The following EPB41L4B variants were observed in gnomAD, a reference collection of about 807,000 sequenced individuals.
EPB41L4B encodes band 4.1-like protein 4B.
EPB41L4B carries 30 observed loss-of-function variants against 112.5 expected under a neutral mutation model. That is an observed-to-expected ratio of 0.27 (90% CI 0.20 to 0.36). EPB41L4B has a LOEUF of 0.36. Among genes scored for constraint, EPB41L4B ranks in the 10% least tolerant of loss-of-function variants. The pLI is 1.00. For missense variants in EPB41L4B, 1,024 were observed against 1,133.3 expected (o/e 0.90, Z 1.38); for synonymous variants, 408 against 439.7 (o/e 0.93, Z 0.90).
intron 1 of EPB41L4B, among the ~76,000 whole-genome samples, chr9:109,297,342 G>C (rs1432913567): frequency 6.6e-6 from 1 of 152,188 alleles, no homozygotes; most frequent in Admixed American, 6.5e-5. Context: ...GGGGTACTTT[G>C]TTACAGCAGT....
chr9:109,175,486 C>CACACACAT (rs1831789414), intron 25 of EPB41L4B, among the ~76,000 whole-genome samples: 1 of 150,486 alleles, frequency 6.6e-6, no homozygotes, highest in Non-Finnish European at 1.5e-5. Flanking sequence ...CACACACACA[C>CACACACAT]ACACACACAC....
At chr9:109,273,669 C>T (rs1377746424) in intron 2 of EPB41L4B, among the ~76,000 whole-genome samples, 1 of 152,158 alleles carries the variant, frequency 6.6e-6, no homozygotes, top group Non-Finnish European at 1.5e-5. Flanking sequence ...AGCCCCCCCA[C>T]ACCCCCAGCC....
chr9:109,226,609 T>A (rs1171581650), intron 15 of EPB41L4B, among the ~76,000 whole-genome samples: 2 of 65,508 alleles, frequency 3.1e-5, no homozygotes, highest in Non-Finnish European at 5.8e-5. Context: ...GGATTTTTCA[T>A]ATATATATAT....
At chr9:109,180,710 T>C (rs1832022618) in intron 24 of EPB41L4B, among the ~76,000 whole-genome samples, 1 of 152,136 alleles carries the variant, frequency 6.6e-6, no homozygotes, top group Non-Finnish European at 1.5e-5. Flanking sequence ...AGACTGCACT[T>C]AGAGCTACCT....
At chr9:109,314,175 A>G (rs1837537102) in intron 1 of EPB41L4B, among the ~76,000 whole-genome samples, 1 of 152,124 alleles carries the variant, frequency 6.6e-6, no homozygotes, top group Non-Finnish European at 1.5e-5. Flanking sequence ...CCCGGGGAGG[A>G]GCCCACTCCC....
At chr9:109,225,415 C>T (rs906071836) in intron 15 of EPB41L4B, among the ~76,000 whole-genome samples, 30 of 152,164 alleles carry the variant, frequency 2.0e-4, no homozygotes, top group African/African-American at 7.0e-4. Context: ...TTCCACGTGG[C>T]TGGAGAGGCC....
chr9:109,313,141 C>T (rs1215388801), intron 1 of EPB41L4B, among the ~76,000 whole-genome samples: 1 of 152,158 alleles, frequency 6.6e-6, no homozygotes, highest in African/African-American at 2.4e-5. Context: ...CCCCCGGCAC[C>T]ACCCCATGTT....
At chr9:109,281,727 AATT>A (rs199554653) in intron 1 of EPB41L4B, among the ~76,000 whole-genome samples, 36,385 of 98,826 alleles carry the variant, frequency 0.37, 4,660 homozygotes, top group African/African-American at 0.45. Flanking sequence ...TAAATAAATT[AATT>A]AATTAATTTT....
intron 6 of EPB41L4B, among the ~76,000 whole-genome samples, chr9:109,259,525 C>T (rs1303265302): frequency 6.6e-6 from 1 of 152,196 alleles, no homozygotes; most frequent in Non-Finnish European, 1.5e-5. Flanking sequence ...GGCCTCAGCT[C>T]TAGGAGGCCG....
At chr9:109,237,179 C>G (rs1479864570) in intron 15 of EPB41L4B, among the ~76,000 whole-genome samples, 1 of 152,190 alleles carries the variant, frequency 6.6e-6, no homozygotes, top group East Asian at 1.9e-4. Flanking sequence ...GAGGAATTAC[C>G]ACACTGTCCT....
Position 109,274,617 on chromosome 9 carries a change from G to A in EPB41L4B, c.411+5200C>T, listed in dbSNP as rs1214164337. Among the ~76,000 whole-genome samples, 3 of 152,208 alleles carry A rather than the reference G, an allele frequency of 2.0e-5. No homozygotes were observed. In the East Asian group the frequency reaches 5.8e-4, roughly 29 times the overall value. ...AGTAAGCTCCAAGTCAAAGCTGGCTGAATGGGATTGACTGAACCTTCCCTT... is the reference window on the plus strand; with the variant it reads ...AGTAAGCTCCAAGTCAAAGCTGGCTAAATGGGATTGACTGAACCTTCCCTT... On this transcript the variant is annotated intron_variant, in intron 2 of 25. Transcript: ENST00000374566.
intron 4 of EPB41L4B, among the ~76,000 whole-genome samples, chr9:109,266,456 C>T (rs1283149029): frequency 4.6e-5 from 7 of 152,086 alleles, no homozygotes; most frequent in African/African-American, 1.7e-4. Context: ...TAAGAACCAC[C>T]CAGCAGCCTA....
At chr9:109,298,007 TTGTC>T (rs1836804573) in intron 1 of EPB41L4B, among the ~76,000 whole-genome samples, 1 of 152,108 alleles carries the variant, frequency 6.6e-6, no homozygotes, top group Non-Finnish European at 1.5e-5. Flanking sequence ...ACAAATAAAG[TTGTC>T]TTTTTATAGA....
chr9:109,174,461 C>T lies in EPB41L4B; in HGVS notation c.*93G>A, dbSNP rs1250578293. 8.1e-7 allele frequency: 1 copy of T among 1,236,786 alleles called. No homozygotes were observed. Among genetic ancestry groups the T allele is most frequent in the East Asian group, 2.3e-5 (1 of 42,820 alleles). 76.6% of individuals were successfully genotyped at this position (1,236,786 alleles called of 1,614,324 possible). A position where few individuals can be genotyped will look rare whatever the true frequency, so the allele number is the denominator to read the frequency against. On this transcript the variant is annotated 3_prime_UTR_variant, in exon 26 of 26. Transcript: ENST00000374566. ...GAGACCTGGGCGAACAGAGCACACA[C>T]TTGTATGCTGTGCTAGAGTGAGCAC...
chr9:109,267,551 A>G lies in EPB41L4B; in HGVS notation c.455T>C (p.Ile152Thr), dbSNP rs746223947. The change falls in exon 4 of 26, where the codon ATT (isoleucine) becomes ACT (threonine). Residue 152 changes from isoleucine (I) to threonine (T), a missense_variant and splice_region_variant. Coordinates refer to ENST00000374566, the MANE Select transcript of EPB41L4B (RefSeq NM_019114.5). The stretch of plus-strand genomic sequence containing the variant: ...AAAGTGTAAAGCATAAGCAGGTCCA[A>G]CTAAACATTTGGAGATGGAAGGTTG... Reference protein sequence around the residue: ...HAKPIKKQMKIGPAYALHFRV... With the variant: ...HAKPIKKQMKTGPAYALHFRV... 7 of 1,604,034 alleles carry G rather than the reference A, an allele frequency of 4.4e-6. No individual in the cohort carries two copies. The African/African-American group carries it at 6.7e-5, about 15-fold the overall frequency.
chr9:109,320,909 C>G lies in EPB41L4B; in HGVS notation c.-463G>C, dbSNP rs1247482212. ...GCGCGCTCGCTCCCACTCGCCGCGCCGCGCCCGGGGCCCGAGGAGGCCCCG... is the reference window on the plus strand; with the variant it reads ...GCGCGCTCGCTCCCACTCGCCGCGCGGCGCCCGGGGCCCGAGGAGGCCCCG... On this transcript the variant is annotated 5_prime_UTR_variant, in exon 1 of 26. Transcript: ENST00000374566. 4 of 152,084 alleles carry G rather than the reference C, an allele frequency of 2.6e-5. No individual in the cohort carries two copies. In the Admixed American group the frequency reaches 2.7e-4, roughly 10 times the overall value. The allele number at this position is 152,084 out of a possible 1,614,324, so 9.4% of individuals were successfully genotyped here. A position where few individuals can be genotyped will look rare whatever the true frequency, so the allele number is the denominator to read the frequency against.
intron 20 of EPB41L4B, chr9:109,196,056 G>A (rs1832629587): frequency 6.6e-6 from 1 of 152,002 alleles, no homozygotes; most frequent in Non-Finnish European, 1.5e-5. Flanking sequence ...CTTGTCTAAT[G>A]TAACAGTCGT....
At chr9:109,309,484 G>A (rs1837334959) in intron 1 of EPB41L4B, among the ~76,000 whole-genome samples, 1 of 152,218 alleles carries the variant, frequency 6.6e-6, no homozygotes, top group South Asian at 2.1e-4. Context: ...CGGGATACGG[G>A]AGACAATCTC....
At chr9:109,269,974 G>A (rs1055286944) in intron 2 of EPB41L4B, among the ~76,000 whole-genome samples, 1 of 152,222 alleles carries the variant, frequency 6.6e-6, no homozygotes, top group Non-Finnish European at 1.5e-5. Context: ...AGTGCCATGG[G>A]AGAACGTGGG....
Sources: gnomAD v4.1 joint callset for allele counts (sites outside exome capture counted in the v4.1 genomes callset) on GRCh38, gnomAD v4.1.1 for gene constraint, MANE v1.5 for transcripts, NCBI Gene and HGNC (gene_info 2026-07-23, HGNC 2026-07-21) for gene names.